RGS12: variants seen among roughly 807,000 people sequenced by gnomAD.
RGS12 encodes regulator of G-protein signaling 12.
RGS12 carries 66 observed loss-of-function variants against 120.1 expected under a neutral mutation model. The observed-to-expected ratio is 0.55, with a 90% confidence interval of 0.45 to 0.67. RGS12 has a LOEUF of 0.67. RGS12 is among the 30% of genes least tolerant of loss of function. RGS12 has a pLI of 0.00. For missense variants in RGS12, 1,859 were observed against 1,957.7 expected (o/e 0.95, Z 0.95); for synonymous variants, 827 against 804.7 (o/e 1.03, Z -0.47).
At chr4:3,400,607 T>C (rs1720482901) in intron 4 of RGS12, among the ~76,000 whole-genome samples, 1 of 149,932 alleles carries the variant, frequency 6.7e-6, no homozygotes, top group Admixed American at 6.7e-5. Context: ...TTAATTATTA[T>C]ATATTATATA....
At chr4:3,424,095 A>G (rs77732737) in intron 13 of RGS12, among the ~76,000 whole-genome samples, 190 of 152,352 alleles carry the variant, frequency 1.2e-3, no homozygotes, top group African/African-American at 4.3e-3. Flanking sequence ...CTCAGCTGGC[A>G]TTTCCAGGCT....
In RGS12 at chr4:3,417,003, G is replaced by T; in HGVS notation, c.2518G>T (p.Ala840Ser). The T allele has an allele frequency of 6.2e-7, 1 of 1,613,456 alleles. No homozygotes were observed. The highest frequency in any genetic ancestry group is 8.5e-7 in the Non-Finnish European group (1 of 1,179,834). The change falls in exon 8 of 18, where the codon GCA becomes TCA. Residue 840 changes from alanine to serine, a missense_variant. By Grantham distance (99) the Ala-to-Ser change is moderately conservative (BLOSUM62 1). This residue lies in a region of RGS12 where 375 missense variants were observed against 475.0 expected (regional missense o/e 0.79). Transcript: ENST00000336727. ...ECILAEVEGR[A>S]LPDSQQVPSS... ...CATCCTGGCGGAAGTGGAGGGCCGT[G>T]CACTCCCGGACTCGCAGCAGGTCCC...
intron 4 of RGS12, among the ~76,000 whole-genome samples, chr4:3,405,114 A>C (rs1720969594): frequency 6.6e-6 from 1 of 152,240 alleles, no homozygotes; most frequent in Admixed American, 6.5e-5. Flanking sequence ...GGGCTCTTAG[A>C]GCAGAATACA....
chr4:3,331,908 T>C (rs1208051670), intron 2 of RGS12, among the ~76,000 whole-genome samples: 1 of 152,214 alleles, frequency 6.6e-6, no homozygotes, highest in Non-Finnish European at 1.5e-5. Context: ...TGACCTTTCC[T>C]AGTCCCTGCA....
chr4:3,338,495 A>T (rs181787761), intron 2 of RGS12, among the ~76,000 whole-genome samples: 2 of 152,246 alleles, frequency 1.3e-5, no homozygotes, highest in African/African-American at 4.8e-5. Context: ...TGTGTGTGGT[A>T]GTAATGCCGG....
At chr4:3,334,114 A>G (rs1712185610) in intron 2 of RGS12, among the ~76,000 whole-genome samples, 1 of 152,248 alleles carries the variant, frequency 6.6e-6, no homozygotes. Context: ...AGGAATTAAA[A>G]TAGAATAAAT....
At position 3,423,595 on chromosome 4, in the gene RGS12, T is replaced by C. The variant is rs755624482; in HGVS notation, c.3188T>C (p.Val1063Ala). The C allele has an allele frequency of 5.0e-6, 8 of 1,612,230 alleles. No individual in the cohort carries two copies. Among genetic ancestry groups the C allele is most frequent in the Non-Finnish European group, 6.8e-6 (8 of 1,179,930 alleles). ...TKPVTEVLRP[V>A]VARYGLDLSG... ...CCCGTCACGGAGGTGCTGCGGCCCG[T>C]GGTGGCCAGATACGGCCTGGACCTC... The change falls in exon 13 of 18, where the codon GTG becomes GCG. Residue 1063 changes from valine to alanine, a missense_variant. Transcript: ENST00000336727.
At chr4:3,325,292 A>G (rs982581274) in intron 2 of RGS12, among the ~76,000 whole-genome samples, 4 of 152,234 alleles carry the variant, frequency 2.6e-5, no homozygotes, top group African/African-American at 9.6e-5. Context: ...ATAATTTATT[A>G]TATAGATTAA....
At chr4:3,399,097 T>C (rs527797506) in intron 4 of RGS12, among the ~76,000 whole-genome samples, 1 of 152,300 alleles carries the variant, frequency 6.6e-6, no homozygotes, top group South Asian at 2.1e-4. Flanking sequence ...CCATTTATGG[T>C]TCTATACTAC....
At position 3,361,558 on chromosome 4, in the gene RGS12, G is replaced by A. The variant is rs578085771; in HGVS notation, c.1998+18505G>A. 6.6e-4 allele frequency among the ~76,000 whole-genome samples: 100 copies of A among 152,300 alleles called. 1 individual carries two copies. The highest frequency in any genetic ancestry group is 2.0e-3 in the African/African-American group (83 of 41,564). ...CATGAGCAGAAATGGCGAGGGGCAGGCTGGCCTGTGAGCCGGGTGGGATGG... is the reference window on the plus strand; with the variant it reads ...CATGAGCAGAAATGGCGAGGGGCAGACTGGCCTGTGAGCCGGGTGGGATGG... On this transcript the variant is annotated intron_variant, in intron 3 of 17. Transcript: ENST00000336727.
Position 3,428,581 on chromosome 4 carries a change from G to C in RGS12, c.3435G>C (p.Lys1145Asn). The change falls in exon 16 of 18, where the codon AAG becomes AAC. Residue 1145 changes from lysine to asparagine, a missense_variant. By Grantham distance (94) the Lys-to-Asn change is moderately conservative. Coordinates refer to ENST00000336727, the MANE Select transcript of RGS12 (RefSeq NM_001394154.1). Reference protein sequence around the residue: ...SATGEERTLGKSNSIKIKGEN... With the variant: ...SATGEERTLGNSNSIKIKGEN... ...AGGGAGAGGAAAGAACACTAGGCAA[G>C]TCTAATTCTATTAAAATAAAAGGAG... The C allele has an allele frequency of 2.5e-6, 4 of 1,600,648 alleles. No homozygotes were observed. Among genetic ancestry groups the C allele is most frequent in the Non-Finnish European group, 3.4e-6 (4 of 1,176,526 alleles).
Position 3,325,832 on chromosome 4 carries a change from C to G in RGS12, c.1881+7781C>G, listed in dbSNP as rs781104690. On this transcript the variant is annotated intron_variant, in intron 2 of 17. Transcript: ENST00000336727. ...CAAGCAGCACATCAAAAAGATAATA[C>G]GCTATGATGTGTTATGTGCCAGGGA... Among the ~76,000 whole-genome samples, 3 of 152,212 alleles carry G rather than the reference C, an allele frequency of 2.0e-5. No individual in the cohort carries two copies. In the South Asian group the frequency reaches 6.2e-4, roughly 32 times the overall value.
At chr4:3,420,448 G>C (rs922927408) in intron 9 of RGS12, 194 bp from the exon 10 acceptor site, 3 of 645,696 alleles carry the variant, frequency 4.6e-6, no homozygotes. Context: ...GTTGGTCCCT[G>C]ACTGGCTTCC....
chr4:3,419,542 G>C (rs1722775656), intron 9 of RGS12: 1 of 152,016 alleles, frequency 6.6e-6, no homozygotes, highest in Non-Finnish European at 1.5e-5. Flanking sequence ...GTGGCGCCTG[G>C]TGGCTCATGC....
intron 2 of RGS12, among the ~76,000 whole-genome samples, chr4:3,341,845 G>T (rs1172038037): frequency 2.0e-5 from 3 of 146,768 alleles, no homozygotes; most frequent in Admixed American, 2.0e-4. Context: ...TGTGGGCGGA[G>T]GGTAGGGGCT....
intron 1 of RGS12, among the ~76,000 whole-genome samples, chr4:3,300,843 C>T (rs1239769766): frequency 6.6e-6 from 1 of 152,254 alleles, no homozygotes; most frequent in Non-Finnish European, 1.5e-5. Flanking sequence ...GGATCATTGC[C>T]TCATCTCAGA....
chr4:3,352,372 G>A (rs372053584), intron 3 of RGS12, among the ~76,000 whole-genome samples: 18 of 152,262 alleles, frequency 1.2e-4, no homozygotes, highest in African/African-American at 4.3e-4. Context: ...GGGCTCAGTT[G>A]AGTGCCTCAT....
chr4:3,362,620 GGT>G (rs1336509683), intron 3 of RGS12, among the ~76,000 whole-genome samples: 8 of 146,666 alleles, frequency 5.5e-5, no homozygotes, highest in African/African-American at 7.6e-5. Flanking sequence ...GTCGTGAGGG[GGT>G]GTGTGTGAAT....
chr4:3,293,932 T>TGG lies in RGS12; in HGVS notation c.-102+833_-102+834insGG, dbSNP rs1723210578. Among the ~76,000 whole-genome samples the TGG allele has an allele frequency of 3.0e-3, 60 of 19,714 alleles. 2 individuals are homozygous for TGG. 12.9% of individuals were successfully genotyped at this position (19,714 alleles called of 152,430 possible). A position where few individuals can be genotyped will look rare whatever the true frequency, so the allele number is the denominator to read the frequency against. On this transcript the variant is annotated intron_variant, in intron 1 of 17. Coordinates refer to ENST00000336727, the MANE Select transcript of RGS12 (RefSeq NM_001394154.1). The stretch of plus-strand genomic sequence containing the variant: ...GCTGTGGAGTGTAGACAGAGTCTCA[T>TGG]AGCCGTGCAGACAGAGAAGGGGCCC...
Sources: gnomAD v4.1 joint callset for allele counts (sites outside exome capture counted in the v4.1 genomes callset) on GRCh38, gnomAD v4.1.1 for gene constraint, gnomAD v4.1.1 regional missense constraint, MANE v1.5 for transcripts, NCBI Gene and HGNC (gene_info 2026-07-23, HGNC 2026-07-21) for gene names.